SLCO2B1: variants seen among roughly 807,000 people sequenced by gnomAD.
The protein encoded by SLCO2B1 is solute carrier organic anion transporter family member 2B1, also known as OATP-RP2.
SLCO2B1 carries 41 observed loss-of-function variants against 67.3 expected under a neutral mutation model. The ratio of observed to expected loss-of-function variants is 0.61; its 90% CI spans 0.47 to 0.79. The LOEUF (loss-of-function observed/expected upper bound fraction) is 0.79, where lower values mean the gene tolerates loss of function less well. Among genes scored for constraint, SLCO2B1 ranks in the 30% least tolerant of loss-of-function variants. SLCO2B1 has a pLI of 0.00. For synonymous variants in SLCO2B1, 379 were observed against 381.4 expected (o/e 0.99, Z 0.07); for missense variants, 837 against 920.1 (o/e 0.91, Z 1.17).
intron 4 of SLCO2B1, among the ~76,000 whole-genome samples, chr11:75,168,660 C>T (rs1038746897): frequency 3.9e-5 from 6 of 152,198 alleles, no homozygotes; most frequent in Non-Finnish European, 7.3e-5. Flanking sequence ...GTGCCTTCAG[C>T]CCTGGCCTTG....
At chr11:75,196,953 A>G (rs552161069) in intron 10 of SLCO2B1, among the ~76,000 whole-genome samples, 1 of 152,272 alleles carries the variant, frequency 6.6e-6, no homozygotes, top group East Asian at 1.9e-4. Flanking sequence ...CATCTCTACT[A>G]AAAATACAAA....
intron 1 of SLCO2B1, among the ~76,000 whole-genome samples, chr11:75,157,958 ATT>A: frequency 6.6e-6 from 1 of 152,194 alleles, no homozygotes; most frequent in East Asian, 1.9e-4. Flanking sequence ...GCCCAAATTT[ATT>A]TAATATAAGT....
intron 4 of SLCO2B1, among the ~76,000 whole-genome samples, chr11:75,167,068 A>G (rs1949902119): frequency 1.3e-5 from 2 of 152,194 alleles, no homozygotes; most frequent in Non-Finnish European, 2.9e-5. Context: ...AGGTGGCCAG[A>G]GGAGGCCATT....
intron 1 of SLCO2B1, among the ~76,000 whole-genome samples, chr11:75,160,084 C>T (rs1384965986): frequency 6.6e-6 from 1 of 152,218 alleles, no homozygotes; most frequent in African/African-American, 2.4e-5. Context: ...CACCCCTCTC[C>T]CCCATCCATT....
intron 1 of SLCO2B1, 106 bp downstream of exon 1, chr11:75,151,503 C>T (rs972867722): frequency 4.1e-6 from 5 of 1,205,692 alleles, no homozygotes; most frequent in Middle Eastern, 1.9e-4. Context: ...GATGGGTGCT[C>T]ACAGCTGTTG....
chr11:75,151,981 G>GA (rs1949697277), intron 1 of SLCO2B1, among the ~76,000 whole-genome samples: 1 of 152,198 alleles, frequency 6.6e-6, no homozygotes, highest in Non-Finnish European at 1.5e-5. Flanking sequence ...AGACCTGCAG[G>GA]CAGCATCAGA....
intron 7 of SLCO2B1, among the ~76,000 whole-genome samples, chr11:75,186,413 T>C (rs1033363826): frequency 5.3e-5 from 8 of 152,146 alleles, no homozygotes; most frequent in Non-Finnish European, 1.2e-4. Context: ...TTAGTCATGT[T>C]GGCCAGGCTG....
chr11:75,170,976 AG>A (rs2140314829), intron 6 of SLCO2B1, among the ~76,000 whole-genome samples: 1 of 152,314 alleles, frequency 6.6e-6, no homozygotes, highest in Admixed American at 6.5e-5. Context: ...GGGATTTCAC[AG>A]GGTGGGCAGA....
chr11:75,185,437 C>T (rs183834110), intron 7 of SLCO2B1, among the ~76,000 whole-genome samples: 139 of 151,570 alleles, frequency 9.2e-4, no homozygotes, highest in African/African-American at 3.3e-3. Context: ...CTCCTAGTTA[C>T]AGGGAGCTCG....
At chr11:75,172,686 T>G in intron 7 of SLCO2B1, 117 bp downstream of exon 7, 1 of 913,824 alleles carries the variant, frequency 1.1e-6, no homozygotes, top group South Asian at 1.7e-5. Context: ...TTCCAGCACT[T>G]TGGGAGGCCA....
chr11:75,173,808 A>G lies in SLCO2B1; in HGVS notation c.972+1239A>G, dbSNP rs373428820. Among the ~76,000 whole-genome samples the G allele has an allele frequency of 1.4e-4, 22 of 152,278 alleles. 1 individual carries two copies. The East Asian group carries it at 4.2e-3, about 29-fold the overall frequency. On this transcript the variant is annotated intron_variant, in intron 7 of 13. Coordinates refer to ENST00000289575, the MANE Select transcript of SLCO2B1 (RefSeq NM_007256.5). Reference sequence around the variant, plus strand: ...AATGACAAAATAGAAACAATTTTTAAAGTTTATTTATTTATTTTTATTTTT... The same window carrying G: ...AATGACAAAATAGAAACAATTTTTAGAGTTTATTTATTTATTTTTATTTTT...
At chr11:75,170,023 G>A (rs981155729) in intron 6 of SLCO2B1, 33 of 456,134 alleles carry the variant, frequency 7.2e-5, no homozygotes, top group South Asian at 1.8e-4. Context: ...CATGGTTGCC[G>A]TCACTACTAT....
chr11:75,172,314 G>A (rs1485614006), intron 6 of SLCO2B1, 65 bp from the exon 7 acceptor site: 1 of 1,470,210 alleles, frequency 6.8e-7, no homozygotes, highest in Non-Finnish European at 9.3e-7. Context: ...CCAGTCCCAG[G>A]ATGGCGGCTT....
At chr11:75,185,037 A>G (rs1015389361) in intron 7 of SLCO2B1, among the ~76,000 whole-genome samples, 7 of 152,194 alleles carry the variant, frequency 4.6e-5, no homozygotes, top group Non-Finnish European at 7.4e-5. Context: ...GAAGAAAGGG[A>G]AAAAAAGTCC....
intron 1 of SLCO2B1, among the ~76,000 whole-genome samples, chr11:75,153,992 C>A (rs1198529116): frequency 6.8e-6 from 1 of 147,676 alleles, no homozygotes; most frequent in Admixed American, 6.9e-5. Context: ...ATGGCGCCAT[C>A]TCGGCTCACT....
chr11:75,155,678 G>C (rs964595109), intron 1 of SLCO2B1, among the ~76,000 whole-genome samples: 3 of 152,104 alleles, frequency 2.0e-5, no homozygotes, highest in Admixed American at 1.3e-4. Flanking sequence ...GGCTGGTTTC[G>C]AGCTCCTGAC....
intron 7 of SLCO2B1, among the ~76,000 whole-genome samples, chr11:75,175,920 T>A (rs539004048): frequency 6.6e-6 from 1 of 151,976 alleles, no homozygotes; most frequent in South Asian, 2.1e-4. Flanking sequence ...GGACATGGGA[T>A]TGGGGGAGGC....
In SLCO2B1 at chr11:75,193,701, T is replaced by A; in HGVS notation, c.1433+126T>A. On this transcript the variant is annotated intron_variant, in intron 9 of 13. Coordinates refer to ENST00000289575, the MANE Select transcript of SLCO2B1 (RefSeq NM_007256.5). This position sits in a 1 kb window ranked among gnomAD's most constrained non-coding sequence, Gnocchi z 4.2. ...CAAATCTTGCCTCCCCAGTTCTGCTTAACAGCCCTTTAGAGATTCGAGTCA... is the reference window on the plus strand; with the variant it reads ...CAAATCTTGCCTCCCCAGTTCTGCTAAACAGCCCTTTAGAGATTCGAGTCA... 1.2e-6 allele frequency: 1 copy of A among 800,690 alleles called. No homozygotes were observed. Among genetic ancestry groups the A allele is most frequent in the Non-Finnish European group, 1.9e-6 (1 of 522,152 alleles). The allele number at this position is 800,690 out of a possible 1,614,324, so 49.6% of individuals were successfully genotyped here. A position where few individuals can be genotyped will look rare whatever the true frequency, so the allele number is the denominator to read the frequency against.
At chr11:75,199,886 T>C (rs1591838154) in intron 10 of SLCO2B1, 2 of 293,306 alleles carry the variant, frequency 6.8e-6, no homozygotes. Context: ...CCCGGGGACA[T>C]GGCCAGCCTG....
Sources: allele counts gnomAD v4.1 joint callset (sites outside exome capture counted in the v4.1 genomes callset), GRCh38; gene constraint gnomAD v4.1.1; non-coding constraint Gnocchi (gnomAD v3.1); transcripts MANE v1.5; gene names NCBI Gene and HGNC (gene_info 2026-07-23, HGNC 2026-07-21).